Variants in UTRN observed in about 807,000 individuals in gnomAD.
UTRN encodes utrophin, also known as dystrophin-related protein 1.
In UTRN, 283 loss-of-function variants were observed where a neutral mutation model predicts 463.9. That is an observed-to-expected ratio of 0.61 (90% CI 0.55 to 0.67). UTRN has a LOEUF of 0.67. Among genes scored for constraint, UTRN ranks in the 30% least tolerant of loss-of-function variants. The probability of loss-of-function intolerance (pLI) is 0.00; values close to 1 mark genes in which losing one functional copy is unlikely to be tolerated. For synonymous variants in UTRN, 1,442 were observed against 1,431.5 expected (o/e 1.01, Z -0.17); for missense variants, 3,922 against 4,084.3 (o/e 0.96, Z 1.08).
intron 58 of UTRN, among the ~76,000 whole-genome samples, 181 bp from the exon 59 acceptor site, chr6:144,771,726 A>G (rs1045244439): frequency 9.9e-5 from 15 of 152,038 alleles, no homozygotes; most frequent in Admixed American, 5.9e-4. Flanking sequence ...CCCCTGGCCA[A>G]TGTTTCAAAT....
At chr6:144,772,083 G>C in intron 59 of UTRN, 115 bp downstream of exon 59, 3 of 638,218 alleles carry the variant, frequency 4.7e-6, no homozygotes, top group Non-Finnish European at 2.3e-6. Context: ...GCCCAGGCTG[G>C]AGTGCAGTGG....
chr6:144,307,634 C>T (rs73586910), intron 2 of UTRN, among the ~76,000 whole-genome samples: 9,328 of 152,208 alleles, frequency 0.061, 934 homozygotes, highest in African/African-American at 0.21. Context: ...TAAAGCCACT[C>T]AAACAAAAGA....
chr6:144,766,785 G>A (rs1327676576), intron 58 of UTRN, among the ~76,000 whole-genome samples: 2 of 144,176 alleles, frequency 1.4e-5, no homozygotes, highest in African/African-American at 5.5e-5. Context: ...ATTTGAGGTA[G>A]GGGTGTGTGT....
chr6:144,672,010 G>A (rs187044005), intron 51 of UTRN, among the ~76,000 whole-genome samples: 7 of 152,082 alleles, frequency 4.6e-5, no homozygotes, highest in East Asian at 1.9e-4. Context: ...TATGAAACCC[G>A]TTTGATCATG....
In UTRN at chr6:144,824,419, T is replaced by TAC. The variant is rs377412674; in HGVS notation, c.9495-2917_9495-2916dup. 2.8e-3 allele frequency among the ~76,000 whole-genome samples: 156 copies of TAC among 56,652 alleles called. 1 individual carries two copies. Among genetic ancestry groups the TAC allele is most frequent in the East Asian group, 0.011 (16 of 1,484 alleles). 37.2% of individuals were successfully genotyped at this position (56,652 alleles called of 152,430 possible). ...TATATAAAACCATTATATATATATATACACACACACACATTGTATATATAT... is the reference window on the plus strand; with the variant it reads ...TATATAAAACCATTATATATATATATACACACACACACACATTGTATATATAT... On this transcript the variant is annotated intron_variant, in intron 66 of 74. Coordinates refer to ENST00000367545, the MANE Select transcript of UTRN (RefSeq NM_007124.3).
intron 50 of UTRN, among the ~76,000 whole-genome samples, chr6:144,563,999 T>C (rs1800166354): frequency 6.6e-6 from 1 of 152,160 alleles, no homozygotes; most frequent in East Asian, 1.9e-4. Context: ...TTGTTTTTGT[T>C]TTCATTTGTT....
At chr6:144,590,753 T>C (rs767583610) in intron 51 of UTRN, among the ~76,000 whole-genome samples, 44 of 152,206 alleles carry the variant, frequency 2.9e-4, no homozygotes, top group Admixed American at 4.6e-4. Flanking sequence ...TTACCAGTTA[T>C]GTAACCTTGG....
chr6:144,455,856 A>G (rs1412742041), intron 19 of UTRN, among the ~76,000 whole-genome samples: 1 of 152,214 alleles, frequency 6.6e-6, no homozygotes, highest in Non-Finnish European at 1.5e-5. Context: ...AAATTCTACC[A>G]TAAATGGGTC....
At chr6:144,522,247 C>A in intron 40 of UTRN, 76 bp downstream of exon 40, 2 of 1,187,730 alleles carry the variant, frequency 1.7e-6, no homozygotes, top group African/African-American at 1.6e-5. Flanking sequence ...CTTGTGCCTA[C>A]TTAGATGGTC....
chr6:144,732,255 TATACAC>T (rs1415799951), intron 54 of UTRN, among the ~76,000 whole-genome samples: 8,190 of 99,272 alleles, frequency 0.083, 370 homozygotes, highest in East Asian at 0.27. Context: ...TATATATATA[TATACAC>T]ACATATATAT....
Position 144,557,188 on chromosome 6 carries a change from G to T in UTRN, c.7166G>T (p.Gly2389Val). The change falls in exon 50 of 75, where the codon GGT becomes GTT. Residue 2389 changes from glycine to valine, a missense_variant. Coordinates refer to ENST00000367545, the MANE Select transcript of UTRN (RefSeq NM_007124.3). ...CTTCAAGAACTGGGTCCTGGAGATG[G>T]TATCGTCATGGCGTTCGATAACGTC... The part of the protein sequence containing the change: ...ILLQELGPGD[G>V]IVMAFDNVLQ... The T allele has an allele frequency of 1.2e-6, 2 of 1,613,896 alleles. No homozygotes were observed. The highest frequency in any genetic ancestry group is 1.7e-6 in the Non-Finnish European group (2 of 1,179,856).
intron 17 of UTRN, among the ~76,000 whole-genome samples, chr6:144,449,994 G>A (rs1003499195): frequency 1.3e-5 from 2 of 152,144 alleles, no homozygotes; most frequent in African/African-American, 2.4e-5. Flanking sequence ...GAAAGGGGCC[G>A]GGTAGAAGGC....
Position 144,458,969 on chromosome 6 carries a change from A to G in UTRN, c.2484A>G (p.Glu828=), listed in dbSNP as rs1465436268. The part of the protein sequence containing the change: ...EEWVKHTSIS[E]SSRQSLPSLK... ...GGGTAAAACACACTTCCATTTCTGA[A>G]TCTTCCCGGCAGTCCTTGCCAAGCT... The change falls in exon 20 of 75, where the codon GAA becomes GAG. Residue 828 remains glutamate (E), a synonymous_variant. Coordinates refer to ENST00000367545, the MANE Select transcript of UTRN (RefSeq NM_007124.3). 3.1e-6 allele frequency: 5 copies of G among 1,612,066 alleles called. No individual in the cohort carries two copies. Among genetic ancestry groups the G allele is most frequent in the Middle Eastern group, 1.7e-4 (1 of 6,044 alleles).
At chr6:144,635,314 C>G (rs761650785) in intron 51 of UTRN, among the ~76,000 whole-genome samples, 3 of 151,342 alleles carry the variant, frequency 2.0e-5, no homozygotes, top group Non-Finnish European at 4.4e-5. Flanking sequence ...CCACCTCTGG[C>G]TAATTTTCCT....
rs71024902 is a variant in UTRN at position 144,699,473 on chromosome 6, G to GTTTT, written c.7653-590_7653-587dup. Among the ~76,000 whole-genome samples, 80 of 67,618 alleles carry GTTTT rather than the reference G, an allele frequency of 1.2e-3. 4 individuals are homozygous for GTTTT. Among genetic ancestry groups the GTTTT allele is most frequent in the East Asian group, 8.2e-3 (15 of 1,832 alleles). The allele number at this position is 67,618 out of a possible 152,430, so 44.4% of individuals were successfully genotyped here. A position where few individuals can be genotyped will look rare whatever the true frequency, so the allele number is the denominator to read the frequency against. On this transcript the variant is annotated intron_variant, in intron 52 of 74. Transcript: ENST00000367545. ...AAATAATAATAATAATTAGTCAGTG[G>GTTTT]TTTTTTTTTTTTTTTTTTTTTTTTT...
At chr6:144,728,474 CT>C (rs10719333) in intron 53 of UTRN, among the ~76,000 whole-genome samples, 48,865 of 145,456 alleles carry the variant, frequency 0.34, 13,049 homozygotes, top group African/African-American at 0.72. Flanking sequence ...TGTATATAAT[CT>C]TTTTTTTTTT....
intron 51 of UTRN, among the ~76,000 whole-genome samples, chr6:144,585,249 A>G (rs1358330918): frequency 6.6e-6 from 1 of 152,152 alleles, no homozygotes; most frequent in Non-Finnish European, 1.5e-5. Flanking sequence ...TAAAGATACC[A>G]TGAAAATTTA....
chr6:144,327,746 C>T (rs2114598405), intron 2 of UTRN, among the ~76,000 whole-genome samples: 1 of 152,158 alleles, frequency 6.6e-6, no homozygotes, highest in East Asian at 1.9e-4. Flanking sequence ...AGTTCGAGAC[C>T]AGCCTGGCCA....
intron 2 of UTRN, among the ~76,000 whole-genome samples, chr6:144,334,339 A>C (rs1283056554): frequency 1.9e-5 from 2 of 106,798 alleles, no homozygotes; most frequent in Non-Finnish European, 2.0e-5. Flanking sequence ...GTGGTGAGGC[A>C]GGGTGGGGGC....
Sources: allele counts gnomAD v4.1 joint callset (sites outside exome capture counted in the v4.1 genomes callset), GRCh38; gene constraint gnomAD v4.1.1; transcripts MANE v1.5; gene names NCBI Gene and HGNC (gene_info 2026-07-23, HGNC 2026-07-21).